Variants in ATF7 observed in about 807,000 individuals in gnomAD.
ATF7 encodes cyclic AMP-dependent transcription factor ATF-7.
A neutral mutation model predicts 50.4 loss-of-function variants in ATF7; 10 were observed. The ratio of observed to expected loss-of-function variants is 0.20; its 90% CI spans 0.12 to 0.34. The LOEUF is 0.34. Ranked by LOEUF, ATF7 falls within the 10% of genes least tolerant of loss-of-function variation. ATF7 has a pLI of 1.00. For synonymous variants in ATF7, 201 were observed against 226.4 expected, an observed-to-expected ratio of 0.89 and a Z score of 1.01; for missense variants, 465 against 613.9, an observed-to-expected ratio of 0.76 and a Z score of 2.56.
chr12:53,533,062 C>G (rs993962453), intron 7 of ATF7, 98 bp downstream of exon 7: 5 of 1,103,594 alleles, frequency 4.5e-6, no homozygotes, highest in Non-Finnish European at 6.7e-6. Context: ...GATCAGAGCC[C>G]ACATTTCCCT....
intron 8 of ATF7, among the ~76,000 whole-genome samples, chr12:53,532,279 A>T (rs557414841): frequency 3.3e-5 from 5 of 152,226 alleles, no homozygotes; most frequent in Non-Finnish European, 5.9e-5. Context: ...ATTCCAAACA[A>T]TCTGTGCTGC....
At chr12:53,517,871 A>AT (rs1304932942) in intron 11 of ATF7, among the ~76,000 whole-genome samples, 4 of 151,814 alleles carry the variant, frequency 2.6e-5, no homozygotes, top group South Asian at 2.1e-4. Context: ...TTATTTATTT[A>AT]TTTTTTTTCC....
At chr12:53,612,649 G>T (rs1943938061) in intron 1 of ATF7, among the ~76,000 whole-genome samples, 1 of 152,094 alleles carries the variant, frequency 6.6e-6, no homozygotes, top group Non-Finnish European at 1.5e-5. Flanking sequence ...ATCTTTCAGG[G>T]GGTTCATGAA....
At chr12:53,525,554 G>A (rs73115720) in intron 9 of ATF7, among the ~76,000 whole-genome samples, 1 of 152,172 alleles carries the variant, frequency 6.6e-6, no homozygotes, top group African/African-American at 2.4e-5. Context: ...TTCACTGACA[G>A]TGACATATGA....
intron 1 of ATF7, among the ~76,000 whole-genome samples, chr12:53,619,624 G>C (rs1317655391): frequency 1.3e-5 from 2 of 151,848 alleles, no homozygotes; most frequent in Non-Finnish European, 2.9e-5. Flanking sequence ...ACCAGCCTAG[G>C]CAACATGGGA....
At chr12:53,596,399 G>A (rs924641004) in intron 2 of ATF7, among the ~76,000 whole-genome samples, 2 of 120,348 alleles carry the variant, frequency 1.7e-5, no homozygotes, top group African/African-American at 5.6e-5. Flanking sequence ...CTCTCCATGA[G>A]TAGTATCTCC....
At chr12:53,584,612 A>G (rs1446525071) in intron 2 of ATF7, among the ~76,000 whole-genome samples, 1 of 152,244 alleles carries the variant, frequency 6.6e-6, no homozygotes, top group African/African-American at 2.4e-5. Context: ...TTCTTTACTC[A>G]TAATTGCCAA....
intron 2 of ATF7, among the ~76,000 whole-genome samples, chr12:53,562,777 A>G (rs1941215001): frequency 2.6e-5 from 4 of 152,164 alleles, no homozygotes; most frequent in African/African-American, 9.7e-5. Context: ...CAGGACCAAG[A>G]ATACCCTAAT....
chr12:53,518,862 G>T (rs946162423), intron 11 of ATF7, among the ~76,000 whole-genome samples: 16 of 151,564 alleles, frequency 1.1e-4, no homozygotes, highest in African/African-American at 3.6e-4. Flanking sequence ...TGGCTAACAT[G>T]GTGAAACCCC....
chr12:53,520,359 T>G (rs1292576447), intron 11 of ATF7, among the ~76,000 whole-genome samples: 1 of 152,084 alleles, frequency 6.6e-6, no homozygotes, highest in East Asian at 1.9e-4. Flanking sequence ...GGCAGATCCC[T>G]TAAGTCCTGG....
At chr12:53,574,285 G>A (rs907323073) in intron 2 of ATF7, among the ~76,000 whole-genome samples, 8 of 152,192 alleles carry the variant, frequency 5.3e-5, no homozygotes, top group Non-Finnish European at 1.2e-4. Flanking sequence ...GGAGGTGCAG[G>A]AGTGTGACAG....
intron 1 of ATF7, among the ~76,000 whole-genome samples, chr12:53,616,999 G>A (rs1253531775): frequency 6.6e-6 from 1 of 150,662 alleles, no homozygotes; most frequent in South Asian, 2.1e-4. Flanking sequence ...TCAAGGGTTT[G>A]TAATGAGTTT....
At chr12:53,582,173 A>T (rs967123174) in intron 2 of ATF7, among the ~76,000 whole-genome samples, 7 of 151,884 alleles carry the variant, frequency 4.6e-5, no homozygotes, top group South Asian at 2.1e-4. Context: ...AAAAAGAAAT[A>T]AAAAAATTAG....
intron 3 of ATF7, among the ~76,000 whole-genome samples, chr12:53,551,369 T>C (rs553870665): frequency 1.3e-5 from 2 of 152,322 alleles, no homozygotes; most frequent in African/African-American, 4.8e-5. Context: ...TCTATGCTGC[T>C]CAGGCTGGTC....
intron 2 of ATF7, among the ~76,000 whole-genome samples, chr12:53,569,706 G>A (rs1459169176): frequency 3.3e-5 from 5 of 150,486 alleles, no homozygotes; most frequent in South Asian, 2.1e-4. Flanking sequence ...ATGGAGTCTC[G>A]CTCTGTCGCC....
intron 8 of ATF7, among the ~76,000 whole-genome samples, 197 bp downstream of exon 8, chr12:53,532,313 G>C (rs1446813760): frequency 6.6e-6 from 1 of 152,190 alleles, no homozygotes; most frequent in Non-Finnish European, 1.5e-5. Flanking sequence ...CATGGTCTAT[G>C]TACCAGGCTC....
chr12:53,577,717 G>GAAA lies in ATF7; in HGVS notation c.48+23233_48+23235dup, dbSNP rs747036727. On this transcript the variant is annotated intron_variant, in intron 2 of 11. Transcript: ENST00000420353. ...GGAGAAAGAGCGAGACTCCGTCTCT[G>GAAA]AAAAAAAAAAAAAAGAAAGAAAGAA... 7.3e-5 allele frequency among the ~76,000 whole-genome samples: 7 copies of GAAA among 96,328 alleles called. No homozygotes were observed. The East Asian group carries it at 1.5e-3, about 21-fold the overall frequency. 63.2% of individuals were successfully genotyped at this position (96,328 alleles called of 152,430 possible). A position where few individuals can be genotyped will look rare whatever the true frequency, so the allele number is the denominator to read the frequency against.
At chr12:53,621,363 T>A (rs762334837) in intron 1 of ATF7, among the ~76,000 whole-genome samples, 1 of 152,202 alleles carries the variant, frequency 6.6e-6, no homozygotes, top group East Asian at 1.9e-4. Flanking sequence ...GTATCATGTT[T>A]ATCAAATTTA....
chr12:53,519,022 C>T (rs765510874), intron 11 of ATF7, among the ~76,000 whole-genome samples: 3 of 151,360 alleles, frequency 2.0e-5, no homozygotes, highest in Non-Finnish European at 2.9e-5. Context: ...CCACTGCACT[C>T]CAGCCTGGGC....
Sources: gnomAD v4.1 joint callset for allele counts (sites outside exome capture counted in the v4.1 genomes callset) on GRCh38, gnomAD v4.1.1 for gene constraint, MANE v1.5 for transcripts, NCBI Gene and HGNC (gene_info 2026-07-23, HGNC 2026-07-21) for gene names.